The following LHFPL2 variants were observed in gnomAD, a reference collection of about 807,000 sequenced individuals.
LHFPL2 encodes LHFPL tetraspan subfamily member 2 protein.
In LHFPL2, 7 loss-of-function variants were observed where a neutral mutation model predicts 17.5. The ratio of observed to expected loss-of-function variants is 0.40; its 90% CI spans 0.23 to 0.75. The LOEUF (loss-of-function observed/expected upper bound fraction) is 0.75. Among genes scored for constraint, LHFPL2 ranks in the 30% least tolerant of loss-of-function variants. The pLI is 0.37. For synonymous variants in LHFPL2, 134 were observed against 116.2 expected (o/e 1.15, Z -0.99); for missense variants, 241 against 294.8 (o/e 0.82, Z 1.34).
At chr5:78,532,955 C>A (rs1392224227) in intron 3 of LHFPL2, among the ~76,000 whole-genome samples, 1 of 152,180 alleles carries the variant, frequency 6.6e-6, no homozygotes, top group Non-Finnish European at 1.5e-5. Context: ...CGAGTGAGGC[C>A]CGTGGTGCCA....
chr5:78,510,885 C>A (rs1755098528), intron 3 of LHFPL2, among the ~76,000 whole-genome samples: 1 of 152,184 alleles, frequency 6.6e-6, no homozygotes, highest in South Asian at 2.1e-4. Context: ...AAACTTGGAC[C>A]AAGCGCTTTT....
intron 4 of LHFPL2, among the ~76,000 whole-genome samples, chr5:78,489,843 A>G (rs1175047062): frequency 6.6e-6 from 1 of 152,190 alleles, no homozygotes; most frequent in Non-Finnish European, 1.5e-5. Flanking sequence ...CTGCTTTGCT[A>G]TGGTCTGCAA....
chr5:78,491,645 T>G (rs935184119), intron 4 of LHFPL2, among the ~76,000 whole-genome samples: 2 of 152,202 alleles, frequency 1.3e-5, no homozygotes, highest in Non-Finnish European at 2.9e-5. Flanking sequence ...ACTTTAGAGT[T>G]TGAATCCAGG....
rs557874594 is a variant in LHFPL2, at chr5:78,536,684, T to C, written c.-185-26286A>G. On this transcript the variant is annotated intron_variant, in intron 3 of 4. Coordinates refer to ENST00000380345, the MANE Select transcript of LHFPL2 (RefSeq NM_005779.3). ...ATCAGCTAGCTCAGGGCTGTGTTTT[T>C]CTGAATTAAGTCATTATGTCTATTA... 1.0e-3 allele frequency among the ~76,000 whole-genome samples: 154 copies of C among 152,360 alleles called. 1 individual carries two copies. The highest frequency in any genetic ancestry group is 3.5e-3 in the African/African-American group (145 of 41,588).
chr5:78,546,805 A>G (rs1756290694), intron 3 of LHFPL2, among the ~76,000 whole-genome samples: 1 of 152,168 alleles, frequency 6.6e-6, no homozygotes, highest in African/African-American at 2.4e-5. Flanking sequence ...GCTGCTTCCA[A>G]ATGTCTGTGG....
intron 3 of LHFPL2, among the ~76,000 whole-genome samples, chr5:78,564,422 TTTTTAATCGGCTATCTCTA>T (rs1376454821): frequency 6.6e-6 from 1 of 152,222 alleles, no homozygotes; most frequent in Non-Finnish European, 1.5e-5. Flanking sequence ...AAATTGGGTA[TTTTTAATCGGCTATCTCTA>T]CTTTCTCTGA....
intron 2 of LHFPL2, among the ~76,000 whole-genome samples, chr5:78,602,875 G>GGTTTT (rs58986689): frequency 0.12 from 18,232 of 149,964 alleles, 1,981 homozygotes; most frequent in African/African-American, 0.27. Context: ...AATGAGGTAG[G>GGTTTT]GTTTTGTTTT....
intron 3 of LHFPL2, among the ~76,000 whole-genome samples, chr5:78,530,663 T>G (rs1282053640): frequency 6.6e-6 from 1 of 152,212 alleles, no homozygotes; most frequent in East Asian, 1.9e-4. Context: ...TAATCACTTT[T>G]ATAACATGGA....
intron 4 of LHFPL2, among the ~76,000 whole-genome samples, chr5:78,496,854 A>AG (rs1397639490): frequency 4.6e-5 from 7 of 152,292 alleles, no homozygotes; most frequent in Non-Finnish European, 1.0e-4. Context: ...TCTAAACACA[A>AG]GGGTGCCCAG....
chr5:78,504,409 C>G (rs550066004), intron 4 of LHFPL2, among the ~76,000 whole-genome samples: 1 of 152,290 alleles, frequency 6.6e-6, no homozygotes, highest in South Asian at 2.1e-4. Flanking sequence ...TCTGATTTCT[C>G]TCCTCTCAGT....
intron 2 of LHFPL2, among the ~76,000 whole-genome samples, chr5:78,622,006 C>T (rs1744872920): frequency 6.6e-6 from 1 of 152,040 alleles, no homozygotes; most frequent in African/African-American, 2.4e-5. Context: ...CCACAGGGCT[C>T]ATTTAATTTT....
intron 2 of LHFPL2, among the ~76,000 whole-genome samples, chr5:78,615,297 A>G (rs977324442): frequency 1.3e-5 from 2 of 152,192 alleles, no homozygotes; most frequent in Admixed American, 1.3e-4. Flanking sequence ...AAAGGCAGCA[A>G]GAAAATTTAT....
intron 1 of LHFPL2, chr5:78,644,332 C>G: frequency 8.1e-7 from 1 of 1,233,032 alleles, no homozygotes; most frequent in East Asian, 2.5e-5. Context: ...GCCTTGACAA[C>G]TCACTTTTTT....
intron 3 of LHFPL2, among the ~76,000 whole-genome samples, chr5:78,519,938 G>C (rs546613006): frequency 6.3e-4 from 96 of 152,330 alleles, no homozygotes; most frequent in Middle Eastern, 3.4e-3. Flanking sequence ...GTAACACAGA[G>C]CTGGAACTGC....
At chr5:78,592,722 T>A (rs1402401023) in intron 2 of LHFPL2, among the ~76,000 whole-genome samples, 5 of 40,452 alleles carry the variant, frequency 1.2e-4, no homozygotes, top group African/African-American at 3.7e-4. Context: ...AGTGAAAAAT[T>A]CAGATACACA....
intron 3 of LHFPL2, among the ~76,000 whole-genome samples, chr5:78,521,934 G>A (rs894361628): frequency 9.9e-5 from 15 of 152,168 alleles, no homozygotes; most frequent in Non-Finnish European, 2.2e-4. Flanking sequence ...TATGCTGTGT[G>A]CAGATACGAC....
intron 1 of LHFPL2, among the ~76,000 whole-genome samples, chr5:78,636,291 G>A (rs552185318): frequency 2.6e-5 from 4 of 152,294 alleles, no homozygotes; most frequent in South Asian, 4.2e-4. Flanking sequence ...GTGCTTACAC[G>A]TCTAATAAGA....
At chr5:78,579,286 T>C (rs1339584392) in intron 2 of LHFPL2, among the ~76,000 whole-genome samples, 1 of 151,742 alleles carries the variant, frequency 6.6e-6, no homozygotes, top group Admixed American at 6.6e-5. Flanking sequence ...TTTCTGTTAC[T>C]GCTAAGATTC....
At chr5:78,495,856 T>C (rs764514974) in intron 4 of LHFPL2, among the ~76,000 whole-genome samples, 7 of 152,194 alleles carry the variant, frequency 4.6e-5, no homozygotes, top group African/African-American at 1.7e-4. Context: ...GGCTGGGTTA[T>C]AGGAGTGGGA....
Sources: gnomAD v4.1 joint callset for allele counts (sites outside exome capture counted in the v4.1 genomes callset) on GRCh38, gnomAD v4.1.1 for gene constraint, MANE v1.5 for transcripts, NCBI Gene and HGNC (gene_info 2026-07-23, HGNC 2026-07-21) for gene names.